ATP8A2: variants seen among roughly 807,000 people sequenced by gnomAD.
The protein encoded by ATP8A2 is ATPase phospholipid transporting 8A2.
Under a neutral mutation model 165.6 loss-of-function variants are expected in ATP8A2, and 100 were observed. That is an observed-to-expected ratio of 0.60 (90% CI 0.51 to 0.71). The LOEUF (loss-of-function observed/expected upper bound fraction) is 0.71. ATP8A2 is among the 30% of genes least tolerant of loss of function. The pLI is 0.00. For synonymous variants in ATP8A2, 543 were observed against 548.8 expected (o/e 0.99, Z 0.15); for missense variants, 1,227 against 1,479.5 (o/e 0.83, Z 2.80).
rs543773242 is a variant in ATP8A2, at chr13:26,016,720, C to T, written c.3470-3168C>T. ...TAGTTAATTATTCTTTTTGGATGGA[C>T]TGTTGACACCGACCCTTTCTTTTCT... On this transcript the variant is annotated intron_variant, in intron 36 of 36. Transcript: ENST00000381655. 3.3e-5 allele frequency among the ~76,000 whole-genome samples: 5 copies of T among 152,268 alleles called. No homozygotes were observed. The South Asian group carries it at 1.0e-3, about 32-fold the overall frequency.
Position 25,896,816 on chromosome 13 carries a change from T to C in ATP8A2, c.3183+34408T>C, listed in dbSNP as rs935059463. On this transcript the variant is annotated intron_variant, in intron 33 of 36. Coordinates refer to ENST00000381655, the MANE Select transcript of ATP8A2 (RefSeq NM_016529.6). The stretch of plus-strand genomic sequence containing the variant: ...CCTTCTTTGTCTCTTTTGATCTTTG[T>C]TGGTTTAAAGTCTGTTTTATCAGAG... 1.2e-3 allele frequency among the ~76,000 whole-genome samples: 177 copies of C among 152,286 alleles called. 1 individual carries two copies. The highest frequency in any genetic ancestry group is 2.2e-3 in the Non-Finnish European group (147 of 68,018).
intron 1 of ATP8A2, among the ~76,000 whole-genome samples, chr13:25,419,246 G>T (rs1223003213): frequency 1.3e-5 from 2 of 152,102 alleles, no homozygotes; most frequent in Non-Finnish European, 2.9e-5. Context: ...GCACCCTTGG[G>T]GCTTTGGTCC....
chr13:25,589,278 G>A (rs936935113), intron 23 of ATP8A2, among the ~76,000 whole-genome samples: 3 of 152,144 alleles, frequency 2.0e-5, no homozygotes, highest in Non-Finnish European at 4.4e-5. Context: ...CCCAGTGGGT[G>A]TGTGTGTGCT....
chr13:25,518,948 G>T (rs1012148948), intron 2 of ATP8A2, among the ~76,000 whole-genome samples: 1 of 152,200 alleles, frequency 6.6e-6, no homozygotes, highest in Admixed American at 6.5e-5. Flanking sequence ...GAAGCCTCCA[G>T]ATCTTCCCAT....
At position 25,961,578 on chromosome 13, in the gene ATP8A2, ACTAT is replaced by A; in HGVS notation, c.3188_3191del (p.Thr1063ArgfsTer3). On this transcript the variant is annotated frameshift_variant, in exon 34 of 37. Transcript: ENST00000381655. LOFTEE classifies it high-confidence loss of function. ...GTGTCACTTCTATTTCTTGCAGGCA[ACTAT>A]GGTCCTGAGCTCCGCACACTTCTGG... 6.2e-7 allele frequency: 1 copy of A among 1,613,190 alleles called. No homozygotes were observed. The highest frequency in any genetic ancestry group is 8.5e-7 in the Non-Finnish European group (1 of 1,179,236).
intron 25 of ATP8A2, 50 bp downstream of exon 25, chr13:25,699,395 C>A (rs747720396): frequency 1.2e-5 from 16 of 1,385,188 alleles, no homozygotes; most frequent in Non-Finnish European, 1.3e-5. Context: ...TGTCTGTATC[C>A]CGTGCTTATA....
intron 1 of ATP8A2, among the ~76,000 whole-genome samples, chr13:25,403,078 G>C (rs1034374234): frequency 4.6e-5 from 7 of 152,162 alleles, no homozygotes; most frequent in Admixed American, 3.9e-4. Flanking sequence ...TCTCCTACAG[G>C]CCCCACCTTT....
In ATP8A2 at chr13:25,953,776, G is replaced by A. The variant is rs114467449; in HGVS notation, c.3184-7799G>A. On this transcript the variant is annotated intron_variant, in intron 33 of 36. Coordinates refer to ENST00000381655, the MANE Select transcript of ATP8A2 (RefSeq NM_016529.6). This position sits in a 1 kb window ranked among gnomAD's most constrained non-coding sequence, Gnocchi z 6.7. ...TTGAGGAACTCCCTCCCCTAGCCGA[G>A]GGAAGCCGTGAGGGACTGTGCTGTA... 2.7e-3 allele frequency among the ~76,000 whole-genome samples: 412 copies of A among 152,232 alleles called. 2 individuals are homozygous for A. The highest frequency in any genetic ancestry group is 9.3e-3 in the African/African-American group (388 of 41,550).
At position 25,936,465 on chromosome 13, in the gene ATP8A2, C is replaced by A. The variant is rs182458424; in HGVS notation, c.3184-25110C>A. ...GCCTCAATGGGCCTGCGTATCAGGA[C>A]GCAAAACAAATGTTTTCCAGGTATC... On this transcript the variant is annotated intron_variant, in intron 33 of 36. Coordinates refer to ENST00000381655, the MANE Select transcript of ATP8A2 (RefSeq NM_016529.6). Among the ~76,000 whole-genome samples, 3 of 152,278 alleles carry A rather than the reference C, an allele frequency of 2.0e-5. No individual in the cohort carries two copies. In the East Asian group the frequency reaches 5.8e-4, roughly 29 times the overall value.
chr13:25,469,882 C>T (rs1019276414), intron 2 of ATP8A2, among the ~76,000 whole-genome samples: 10 of 152,130 alleles, frequency 6.6e-5, no homozygotes, highest in African/African-American at 2.2e-4. Context: ...CACGGGTGTT[C>T]GTACATTTTC....
chr13:25,409,589 C>G lies in ATP8A2; in HGVS notation c.76+37301C>G, dbSNP rs540150488. 4.1e-4 allele frequency among the ~76,000 whole-genome samples: 62 copies of G among 152,228 alleles called. 1 individual carries two copies. In the South Asian group the frequency reaches 0.013, roughly 31 times the overall value. The stretch of plus-strand genomic sequence containing the variant: ...TGTATCAGGCACCATGAAGCTTAGT[C>G]AAGTGTGGTACCTCCCCAGAGAGGA... On this transcript the variant is annotated intron_variant, in intron 1 of 36. Coordinates refer to ENST00000381655, the MANE Select transcript of ATP8A2 (RefSeq NM_016529.6).
chr13:25,782,781 C>A (rs1339149886), intron 27 of ATP8A2, among the ~76,000 whole-genome samples: 1 of 152,144 alleles, frequency 6.6e-6, no homozygotes, highest in Non-Finnish European at 1.5e-5. Flanking sequence ...ACTCTTGTTG[C>A]CAGGCTGGAG....
chr13:25,641,037 G>C (rs143544465), intron 24 of ATP8A2, among the ~76,000 whole-genome samples: 1 of 152,094 alleles, frequency 6.6e-6, no homozygotes, highest in Non-Finnish European at 1.5e-5. Flanking sequence ...AGAAAAAGCC[G>C]TTGACAAAAT....
chr13:25,876,743 C>T (rs559738558), intron 33 of ATP8A2, among the ~76,000 whole-genome samples: 1 of 152,174 alleles, frequency 6.6e-6, no homozygotes, highest in East Asian at 1.9e-4. Context: ...AATGCTAAAT[C>T]GTTTAAAATG....
intron 2 of ATP8A2, among the ~76,000 whole-genome samples, chr13:25,515,211 T>C (rs2037427979): frequency 6.6e-6 from 1 of 152,238 alleles, no homozygotes; most frequent in Non-Finnish European, 1.5e-5. Context: ...CACCGGCCTT[T>C]GGACTGGAAC....
rs71759758 is a variant in ATP8A2 at position 25,831,216 on chromosome 13, C to CTT, written c.2754+3039_2754+3040dup. Reference sequence around the variant, plus strand: ...AGTCGTTGTTCCTCAAACTAATTTTCTTTTTTTTTTTTTTTTGAGATGGAG... The same window carrying CTT: ...AGTCGTTGTTCCTCAAACTAATTTTCTTTTTTTTTTTTTTTTTTGAGATGGAG... On this transcript the variant is annotated intron_variant, in intron 28 of 36. Coordinates refer to ENST00000381655, the MANE Select transcript of ATP8A2 (RefSeq NM_016529.6). Among the ~76,000 whole-genome samples the CTT allele has an allele frequency of 5.8e-3, 773 of 133,436 alleles. 15 individuals are homozygous for CTT. Among genetic ancestry groups the CTT allele is most frequent in the Non-Finnish European group, 7.8e-3 (497 of 63,902 alleles). The allele number at this position is 133,436 out of a possible 152,430, so 87.5% of individuals were successfully genotyped here. A position where few individuals can be genotyped will look rare whatever the true frequency, so the allele number is the denominator to read the frequency against.
At chr13:25,429,826 T>A (rs1328312703) in intron 1 of ATP8A2, among the ~76,000 whole-genome samples, 1 of 152,124 alleles carries the variant, frequency 6.6e-6, no homozygotes, top group Admixed American at 6.5e-5. Context: ...TCTCCAGGGC[T>A]TGGAGCCAGG....
intron 24 of ATP8A2, among the ~76,000 whole-genome samples, chr13:25,605,935 A>T (rs2040505702): frequency 1.3e-5 from 2 of 152,152 alleles, no homozygotes; most frequent in African/African-American, 4.8e-5. Flanking sequence ...ATCTATATTC[A>T]CACACACTTA....
At chr13:25,514,329 C>T (rs1188914527) in intron 2 of ATP8A2, among the ~76,000 whole-genome samples, 1 of 152,198 alleles carries the variant, frequency 6.6e-6, no homozygotes, top group East Asian at 1.9e-4. Flanking sequence ...GTTTGCTGTA[C>T]TGTTTCCTCA....
Sources: allele counts gnomAD v4.1 joint callset (sites outside exome capture counted in the v4.1 genomes callset), GRCh38; gene constraint gnomAD v4.1.1; non-coding constraint Gnocchi (gnomAD v3.1); transcripts MANE v1.5; gene names NCBI Gene and HGNC (gene_info 2026-07-23, HGNC 2026-07-21).